The following IL18R1 variants were observed in gnomAD, a reference collection of about 807,000 sequenced individuals.
The protein encoded by IL18R1 is interleukin 18 receptor 1.
In IL18R1, 40 loss-of-function variants were observed where a neutral mutation model predicts 48.5. That is an observed-to-expected ratio of 0.82 (90% confidence interval 0.64 to 1.07). The LOEUF is 1.07. IL18R1 is among the 50% of genes least tolerant of loss of function. The probability of loss-of-function intolerance (pLI) is 0.00; values close to 1 mark genes in which losing one functional copy is unlikely to be tolerated. For missense variants in IL18R1, 596 were observed against 633.7 expected, an observed-to-expected ratio of 0.94 and a Z score of 0.64; for synonymous variants, 232 against 225.9, an observed-to-expected ratio of 1.03 and a Z score of -0.24.
chr2:102,380,179 C>G (rs1679836700), intron 5 of IL18R1, among the ~76,000 whole-genome samples: 2 of 152,274 alleles, frequency 1.3e-5, no homozygotes, highest in Middle Eastern at 3.4e-3. Context: ...CAAGGGCATG[C>G]ACTAAGATGT....
chr2:102,368,414 A>C (rs1679039772), intron 3 of IL18R1, among the ~76,000 whole-genome samples: 1 of 152,200 alleles, frequency 6.6e-6, no homozygotes, highest in Admixed American at 6.5e-5. Context: ...GGACTTCACG[A>C]TAATATTAAT....
At chr2:102,389,779 T>A (rs1314342370) in intron 8 of IL18R1, among the ~76,000 whole-genome samples, 1 of 152,204 alleles carries the variant, frequency 6.6e-6, no homozygotes, top group Non-Finnish European at 1.5e-5. Context: ...GAAATCTGAT[T>A]TCCACGGGTA....
intron 6 of IL18R1, among the ~76,000 whole-genome samples, chr2:102,383,672 A>G (rs532025587): frequency 6.6e-6 from 1 of 152,062 alleles, no homozygotes; most frequent in Non-Finnish European, 1.5e-5. Context: ...TGTTCTATAC[A>G]TAAGTGTCTC....
At chr2:102,381,115 G>A (rs1573214549) in intron 5 of IL18R1, among the ~76,000 whole-genome samples, 1 of 152,338 alleles carries the variant, frequency 6.6e-6, no homozygotes, top group Admixed American at 6.5e-5. Context: ...CTTAACAGCA[G>A]GGCCAGGGCC....
In IL18R1 at chr2:102,390,329, G is replaced by A. The variant is rs983881137; in HGVS notation, c.1111+112G>A. The A allele has an allele frequency of 1.9e-5, 19 of 999,664 alleles. No homozygotes were observed. The East Asian group carries it at 3.3e-4, about 17-fold the overall frequency. 61.9% of individuals were successfully genotyped at this position (999,664 alleles called of 1,614,324 possible). A position where few individuals can be genotyped will look rare whatever the true frequency, so the allele number is the denominator to read the frequency against. ...GATATTGTAGAATTAATCTGTGGGA[G>A]AGGTTTTCTATGGGAAATATTGTTC... is the stretch of plus-strand genomic sequence containing the variant. On this transcript the variant is annotated intron_variant, in intron 9 of 10. Coordinates refer to ENST00000233957, the MANE Select transcript of IL18R1 (RefSeq NM_003855.5).
chr2:102,394,529 A>G lies in IL18R1; in HGVS notation c.1172A>G (p.Glu391Gly). The G allele has an allele frequency of 6.2e-7, 1 of 1,613,144 alleles. No homozygotes were observed. Among genetic ancestry groups the G allele is most frequent in the Non-Finnish European group, 8.5e-7 (1 of 1,179,298 alleles). Reference protein sequence around the residue: ...YLKECRPENGEEHTFAVEILP... With the variant: ...YLKECRPENGGEHTFAVEILP... ...AAAGAATGCCGACCTGAAAATGGAG[A>G]GGAGCACACCTTTGCTGTGGAGATT... Residue 391 changes from glutamate to glycine, a missense_variant, in exon 10 of 11, where the codon GAG (glutamate) becomes GGG (glycine). This residue lies in a region of IL18R1 where 179 missense variants were observed against 206.1 expected (regional missense o/e 0.87). Transcript: ENST00000233957.
At chr2:102,392,735 T>C (rs1680618757) in intron 9 of IL18R1, among the ~76,000 whole-genome samples, 1 of 152,178 alleles carries the variant, frequency 6.6e-6, no homozygotes, top group South Asian at 2.1e-4. Context: ...TCACCAAGCA[T>C]AGTTTGAGGA....
rs1679817424 is a variant in IL18R1, at chr2:102,379,858, T to C, written c.626-1762T>C. Among the ~76,000 whole-genome samples, 5 of 152,178 alleles carry C rather than the reference T, an allele frequency of 3.3e-5. No homozygotes were observed. The South Asian group carries it at 1.0e-3, about 32-fold the overall frequency. On this transcript the variant is annotated intron_variant, in intron 5 of 10. Coordinates refer to ENST00000233957, the MANE Select transcript of IL18R1 (RefSeq NM_003855.5). Reference sequence around the variant, plus strand: ...GGAGTCTGGTTTCTGTGACTTGCTTTGGGGAGAATGGAGGCATGAAGCAGG... The same window carrying C: ...GGAGTCTGGTTTCTGTGACTTGCTTCGGGGAGAATGGAGGCATGAAGCAGG...
At chr2:102,365,075 G>C (rs1678809574) in intron 2 of IL18R1, among the ~76,000 whole-genome samples, 1 of 152,072 alleles carries the variant, frequency 6.6e-6, no homozygotes, top group Admixed American at 6.6e-5. Flanking sequence ...CAAATCTCAT[G>C]CTCTCACATT....
intron 4 of IL18R1, among the ~76,000 whole-genome samples, chr2:102,375,568 G>GTT (rs1679526319): frequency 6.6e-6 from 1 of 152,124 alleles, no homozygotes; most frequent in South Asian, 2.1e-4. Flanking sequence ...TTGAAGTAGT[G>GTT]TTCTCTCTCT....
chr2:102,358,085 A>G (rs1256234336), intron 1 of IL18R1, among the ~76,000 whole-genome samples: 1 of 152,106 alleles, frequency 6.6e-6, no homozygotes, highest in Non-Finnish European at 1.5e-5. Context: ...CTAATGAGTG[A>G]TTTATATTGA....
At chr2:102,372,916 G>T (rs1448642166) in intron 4 of IL18R1, among the ~76,000 whole-genome samples, 1 of 152,114 alleles carries the variant, frequency 6.6e-6, no homozygotes, top group African/African-American at 2.4e-5. Flanking sequence ...TAGAATTACT[G>T]GATCAGAGGC....
chr2:102,370,171 C>T (rs754004326), intron 3 of IL18R1, among the ~76,000 whole-genome samples: 6 of 152,156 alleles, frequency 3.9e-5, no homozygotes, highest in Non-Finnish European at 8.8e-5. Context: ...CCTTGGAGCT[C>T]CTGGATGGCA....
chr2:102,366,157 T>C (rs919002194), intron 2 of IL18R1, among the ~76,000 whole-genome samples: 6 of 152,166 alleles, frequency 3.9e-5, no homozygotes, highest in Admixed American at 1.3e-4. Flanking sequence ...TCCTACCACA[T>C]TCTCAAGCTG....
At chr2:102,365,446 A>G (rs7577747) in intron 2 of IL18R1, among the ~76,000 whole-genome samples, 2,883 of 152,252 alleles carry the variant, frequency 0.019, 106 homozygotes, top group African/African-American at 0.064. Context: ...TTGGGCAGCT[A>G]TGCTCCTGTG....
In IL18R1 at chr2:102,398,177, G is replaced by A. The variant is rs999603087; in HGVS notation, c.*1291G>A. The stretch of plus-strand genomic sequence containing the variant: ...TACTGGAGAAGCATATCCAGAGGGC[G>A]AAAGATATCTCTCCATTGTGCATCT... On this transcript the variant is annotated 3_prime_UTR_variant, in exon 11 of 11. Coordinates refer to ENST00000233957, the MANE Select transcript of IL18R1 (RefSeq NM_003855.5). The A allele has an allele frequency of 2.0e-5, 3 of 152,314 alleles. No individual in the cohort carries two copies. The highest frequency in any genetic ancestry group is 6.5e-5 in the Admixed American group (1 of 15,276). 9.4% of individuals were successfully genotyped at this position (152,314 alleles called of 1,614,324 possible).
intron 7 of IL18R1, 45 bp from the exon 8 acceptor site, chr2:102,386,816 G>A (rs368574755): frequency 2.5e-6 from 4 of 1,600,598 alleles, no homozygotes; most frequent in East Asian, 2.2e-5. Flanking sequence ...CCCTCTCAAG[G>A]GTAACGAACA....
chr2:102,375,863 T>G, intron 4 of IL18R1, 44 bp from the exon 5 acceptor site: 2 of 1,372,826 alleles, frequency 1.5e-6, no homozygotes, highest in Non-Finnish European at 1.9e-6. Context: ...TAATATCAAT[T>G]TGGCTTTTAC....
chr2:102,376,606 A>C (rs1679600338), intron 5 of IL18R1, among the ~76,000 whole-genome samples: 1 of 152,122 alleles, frequency 6.6e-6, no homozygotes. Flanking sequence ...TGGGTCTTGG[A>C]GGGGGAGCCT....
Sources: gnomAD v4.1 joint callset for allele counts (sites outside exome capture counted in the v4.1 genomes callset) on GRCh38, gnomAD v4.1.1 for gene constraint, gnomAD v4.1.1 regional missense constraint, MANE v1.5 for transcripts, NCBI Gene and HGNC (gene_info 2026-07-23, HGNC 2026-07-21) for gene names.